CDKAL1: variants seen among roughly 807,000 people sequenced by gnomAD.
CDKAL1 encodes the protein CDKAL1 threonylcarbamoyladenosine tRNA methylthiotransferase.
Under a neutral mutation model 68.2 loss-of-function variants are expected in CDKAL1, and 32 were observed. The ratio of observed to expected loss-of-function variants is 0.47; its 90% CI spans 0.35 to 0.63. The LOEUF (loss-of-function observed/expected upper bound fraction) is 0.63, where lower values mean the gene tolerates loss of function less well. Ranked by LOEUF, CDKAL1 falls within the 30% of genes least tolerant of loss-of-function variation. CDKAL1 has a pLI of 0.00. For synonymous variants in CDKAL1, 234 were observed against 244.3 expected, an observed-to-expected ratio of 0.96 and a Z score of 0.39; for missense variants, 606 against 696.7, an observed-to-expected ratio of 0.87 and a Z score of 1.47.
chr6:21,144,016 T>A (rs1041937396), intron 13 of CDKAL1, among the ~76,000 whole-genome samples: 3 of 152,122 alleles, frequency 2.0e-5, no homozygotes. Context: ...ACAGCACAAT[T>A]TTAGTAGGTA....
At chr6:20,666,208 G>T (rs928955083) in intron 5 of CDKAL1, among the ~76,000 whole-genome samples, 21 of 151,798 alleles carry the variant, frequency 1.4e-4, no homozygotes, top group African/African-American at 4.8e-4. Flanking sequence ...AAAATGGAAA[G>T]ATTTTCATTC....
intron 8 of CDKAL1, among the ~76,000 whole-genome samples, chr6:20,814,243 A>G (rs1776946154): frequency 6.6e-6 from 1 of 152,000 alleles, no homozygotes; most frequent in Non-Finnish European, 1.5e-5. Context: ...ATATAAAAAT[A>G]AAATTTTTTT....
intron 9 of CDKAL1, among the ~76,000 whole-genome samples, chr6:20,906,035 G>A (rs1762216601): frequency 6.6e-6 from 1 of 152,252 alleles, no homozygotes; most frequent in South Asian, 2.1e-4. Context: ...TAAAGATAAA[G>A]GCATGGGAAA....
At chr6:20,763,847 C>A in intron 7 of CDKAL1, among the ~76,000 whole-genome samples, 1 of 152,156 alleles carries the variant, frequency 6.6e-6, no homozygotes, top group East Asian at 1.9e-4. Context: ...AATGGATCTT[C>A]ATCATGTTAA....
chr6:21,121,958 C>A (rs187310714), intron 13 of CDKAL1, among the ~76,000 whole-genome samples: 1 of 152,254 alleles, frequency 6.6e-6, no homozygotes, highest in African/African-American at 2.4e-5. Flanking sequence ...TTACCTGTGC[C>A]GTCCTGTCCC....
intron 9 of CDKAL1, among the ~76,000 whole-genome samples, chr6:20,858,747 G>A (rs1759466191): frequency 6.6e-6 from 1 of 152,042 alleles, no homozygotes. Flanking sequence ...TGTTTACAAA[G>A]TTGATAATAA....
At chr6:21,039,206 C>T (rs1026105235) in intron 11 of CDKAL1, among the ~76,000 whole-genome samples, 6 of 152,082 alleles carry the variant, frequency 3.9e-5, no homozygotes, top group African/African-American at 1.2e-4. Context: ...TTGTGAACTG[C>T]GCATGTGAGG....
chr6:20,934,963 T>A (rs1347744130), intron 9 of CDKAL1, among the ~76,000 whole-genome samples: 1 of 150,958 alleles, frequency 6.6e-6, no homozygotes, highest in East Asian at 1.9e-4. Context: ...TGGCGCAGTC[T>A]CGGCTCACTG....
chr6:21,012,308 A>G (rs1768068488), intron 11 of CDKAL1, among the ~76,000 whole-genome samples: 1 of 152,172 alleles, frequency 6.6e-6, no homozygotes, highest in Non-Finnish European at 1.5e-5. Context: ...GGGAGATGAA[A>G]TAGTGGGGAG....
Position 20,595,529 on chromosome 6 carries a change from T to C in CDKAL1, c.286+46824T>C, listed in dbSNP as rs553060180. On this transcript the variant is annotated intron_variant, in intron 4 of 15. Transcript: ENST00000274695. Reference sequence around the variant, plus strand: ...TGTGTTTTTCAGCTCCATCAGGTCATTTATGTTTTTCTCTAAACTGGTTAT... The same window carrying C: ...TGTGTTTTTCAGCTCCATCAGGTCACTTATGTTTTTCTCTAAACTGGTTAT... Among the ~76,000 whole-genome samples the C allele has an allele frequency of 1.8e-4, 27 of 152,168 alleles. 1 individual carries two copies. The South Asian group carries it at 2.5e-3, about 14-fold the overall frequency.
intron 8 of CDKAL1, among the ~76,000 whole-genome samples, chr6:20,811,277 T>A (rs956013221): frequency 4.6e-5 from 7 of 152,202 alleles, no homozygotes; most frequent in African/African-American, 9.6e-5. Flanking sequence ...CCGGGGCAAT[T>A]CTATACAGCA....
intron 5 of CDKAL1, among the ~76,000 whole-genome samples, chr6:20,705,888 T>C (rs1408912848): frequency 2.6e-5 from 4 of 152,224 alleles, no homozygotes; most frequent in African/African-American, 9.6e-5. Flanking sequence ...TCACTTGTCC[T>C]GTGTGGTGGG....
At chr6:20,623,252 A>G (rs1272556179) in intron 4 of CDKAL1, among the ~76,000 whole-genome samples, 1 of 152,094 alleles carries the variant, frequency 6.6e-6, no homozygotes, top group Non-Finnish European at 1.5e-5. Context: ...AAATACATAT[A>G]CTTATTTGAG....
intron 7 of CDKAL1, among the ~76,000 whole-genome samples, chr6:20,762,661 C>G (rs888375540): frequency 6.6e-6 from 1 of 152,106 alleles, no homozygotes. Context: ...TTAAAATGGT[C>G]AGGATTAAAT....
intron 10 of CDKAL1, among the ~76,000 whole-genome samples, chr6:20,975,772 G>C (rs953916355): frequency 2.1e-4 from 32 of 152,124 alleles, no homozygotes; most frequent in African/African-American, 6.3e-4. Context: ...AAGAATATTT[G>C]ACTGAAACCC....
Position 20,955,762 on chromosome 6 carries a change from C to CT in CDKAL1, c.909+183dup, listed in dbSNP as rs1212248780. The stretch of plus-strand genomic sequence containing the variant: ...AAATCCCCTTCTTTGGCAGGCAACA[C>CT]TTTTTTACTTCCTCATCATTAATTA... On this transcript the variant is annotated intron_variant, in intron 10 of 15. Coordinates refer to ENST00000274695, the MANE Select transcript of CDKAL1 (RefSeq NM_017774.3). 3.3e-5 allele frequency among the ~76,000 whole-genome samples: 5 copies of CT among 152,050 alleles called. No homozygotes were observed. The East Asian group carries it at 9.6e-4, about 29-fold the overall frequency.
At chr6:21,162,203 T>C (rs1013877736) in intron 13 of CDKAL1, among the ~76,000 whole-genome samples, 5 of 152,214 alleles carry the variant, frequency 3.3e-5, no homozygotes, top group Non-Finnish European at 5.9e-5. Context: ...AATTTCACTA[T>C]TGACTCAAGA....
chr6:21,144,326 T>C (rs1776060044), intron 13 of CDKAL1, among the ~76,000 whole-genome samples: 1 of 152,206 alleles, frequency 6.6e-6, no homozygotes, highest in South Asian at 2.1e-4. Context: ...ATGCAAATGT[T>C]ATATTCCCTG....
rs1763086590 is a variant in CDKAL1, at chr6:20,534,472, G to T, written c.-152G>T. The T allele has an allele frequency of 6.5e-6, 1 of 152,784 alleles. No homozygotes were observed. The highest frequency in any genetic ancestry group is 2.4e-5 in the African/African-American group (1 of 41,424). The allele number at this position is 152,784 out of a possible 1,614,324, so 9.5% of individuals were successfully genotyped here. A position where few individuals can be genotyped will look rare whatever the true frequency, so the allele number is the denominator to read the frequency against. ...GAGCATGCGCAAATAAACGTGGCGGGACGTATGTGTCATGGCGCTCTCCAT... is the reference window on the plus strand; with the variant it reads ...GAGCATGCGCAAATAAACGTGGCGGTACGTATGTGTCATGGCGCTCTCCAT... On this transcript the variant is annotated 5_prime_UTR_variant, in exon 1 of 16. Transcript: ENST00000274695.
Sources: allele counts gnomAD v4.1 joint callset (sites outside exome capture counted in the v4.1 genomes callset), GRCh38; gene constraint gnomAD v4.1.1; transcripts MANE v1.5; gene names NCBI Gene and HGNC (gene_info 2026-07-23, HGNC 2026-07-21).